Variants in GPR149 observed in about 807,000 individuals in gnomAD.
GPR149 encodes the protein G protein-coupled receptor 149, also known as probable G protein-coupled receptor 149.
In GPR149, 50 loss-of-function variants were observed where a neutral mutation model predicts 50.2. The observed-to-expected ratio is 1.00, with a 90% CI of 0.79 to 1.26. The LOEUF is 1.26. GPR149 is among the 50% of genes most tolerant of loss of function. The pLI is 0.00. For missense variants in GPR149, 983 were observed against 895.4 expected, an observed-to-expected ratio of 1.10 and a Z score of -1.25; for synonymous variants, 405 against 358.2, an observed-to-expected ratio of 1.13 and a Z score of -1.48.
At chr3:154,366,101 A>G (rs1410776779) in intron 3 of GPR149, among the ~76,000 whole-genome samples, 1 of 152,142 alleles carries the variant, frequency 6.6e-6, no homozygotes, top group Non-Finnish European at 1.5e-5. Context: ...TAGGCCCTCA[A>G]CCAAATGACT....
chr3:154,427,226 G>T (rs550378424), intron 2 of GPR149, among the ~76,000 whole-genome samples: 1 of 151,870 alleles, frequency 6.6e-6, no homozygotes, highest in Non-Finnish European at 1.5e-5. Flanking sequence ...AAGTGCCTTT[G>T]TTGACATGGT....
chr3:154,336,677 T>A lies in GPR149; in HGVS notation c.*1022A>T, dbSNP rs701146. ...TCAACTGTTTCTTTGAGACAACACG[T>A]CTTTAGAGAAGAAACAAAAAAGCAG... On this transcript the variant is annotated 3_prime_UTR_variant, in exon 4 of 4. Transcript: ENST00000389740. 0.46 allele frequency: 69,759 copies of A among 151,884 alleles called. 16,301 individuals are homozygous for A. The highest frequency in any genetic ancestry group is 0.5 in the East Asian group (2,582 of 5,172). The allele number at this position is 151,884 out of a possible 1,614,324, so 9.4% of individuals were successfully genotyped here.
chr3:154,407,175 G>T (rs2108421415), intron 3 of GPR149, among the ~76,000 whole-genome samples: 1 of 152,202 alleles, frequency 6.6e-6, no homozygotes, highest in South Asian at 2.1e-4. Flanking sequence ...AGATTTGGGT[G>T]GAGACACAGC....
At chr3:154,399,410 A>T (rs1268036196) in intron 3 of GPR149, among the ~76,000 whole-genome samples, 2 of 152,248 alleles carry the variant, frequency 1.3e-5, no homozygotes, top group Non-Finnish European at 2.9e-5. Flanking sequence ...TATTTTTCAC[A>T]TAAAGATGGC....
At chr3:154,401,887 A>G (rs1252325136) in intron 3 of GPR149, among the ~76,000 whole-genome samples, 2 of 152,208 alleles carry the variant, frequency 1.3e-5, no homozygotes, top group Non-Finnish European at 2.9e-5. Flanking sequence ...AAAATACTAA[A>G]GCAACAAAGT....
At chr3:154,378,156 C>T (rs182065346) in intron 3 of GPR149, among the ~76,000 whole-genome samples, 6 of 142,866 alleles carry the variant, frequency 4.2e-5, no homozygotes, top group African/African-American at 1.5e-4. Flanking sequence ...GATTTTGTCT[C>T]ACTGCAACCT....
At chr3:154,427,471 A>T (rs771099480) in intron 2 of GPR149, 45 bp downstream of exon 2, 1 of 1,526,498 alleles carries the variant, frequency 6.6e-7, no homozygotes, top group Non-Finnish European at 8.8e-7. Flanking sequence ...TCTGAAAGTC[A>T]CCTAATGCAT....
At chr3:154,408,927 A>T (rs899233891) in intron 3 of GPR149, among the ~76,000 whole-genome samples, 3 of 152,256 alleles carry the variant, frequency 2.0e-5, no homozygotes, top group African/African-American at 7.2e-5. Context: ...ATCAACACAA[A>T]ACCAGCACAC....
chr3:154,351,383 TAACTC>T (rs1458225257), intron 3 of GPR149, among the ~76,000 whole-genome samples: 3 of 141,666 alleles, frequency 2.1e-5, no homozygotes, highest in Non-Finnish European at 3.0e-5. Context: ...ATTCAAAAAT[TAACTC>T]AAAATGAATT....
intron 3 of GPR149, among the ~76,000 whole-genome samples, chr3:154,402,771 T>A (rs1711578391): frequency 6.6e-6 from 1 of 152,208 alleles, no homozygotes; most frequent in Non-Finnish European, 1.5e-5. Context: ...TACAGCTAAT[T>A]GTTTGAAAAT....
chr3:154,347,310 C>CTTAG (rs2108386813), intron 3 of GPR149, among the ~76,000 whole-genome samples: 1 of 152,240 alleles, frequency 6.6e-6, no homozygotes, highest in South Asian at 2.1e-4. Flanking sequence ...CCTCAGGAAA[C>CTTAG]TTAGAATCAT....
chr3:154,337,606 A>G lies in GPR149; in HGVS notation c.*93T>C. 1 of 1,048,000 alleles carries G rather than the reference A, an allele frequency of 9.5e-7. No individual in the cohort carries two copies. The highest frequency in any genetic ancestry group is 1.6e-5 in the African/African-American group (1 of 63,220). The allele number at this position is 1,048,000 out of a possible 1,614,324, so 64.9% of individuals were successfully genotyped here. On this transcript the variant is annotated 3_prime_UTR_variant, in exon 4 of 4. Coordinates refer to ENST00000389740, the MANE Select transcript of GPR149 (RefSeq NM_001038705.3). ...TAAATCAGTAAAACTAATGTAAGCC[A>G]ACAAATAAAAGGAAATCAGTCTCAT...
chr3:154,392,009 A>T (rs575853242), intron 3 of GPR149, among the ~76,000 whole-genome samples: 3 of 150,276 alleles, frequency 2.0e-5, no homozygotes, highest in South Asian at 4.2e-4. Flanking sequence ...GAGCACTTAA[A>T]TATACAATGC....
intron 3 of GPR149, among the ~76,000 whole-genome samples, chr3:154,406,540 A>C (rs1163825139): frequency 6.6e-6 from 1 of 152,210 alleles, no homozygotes. Context: ...TGACTATGGT[A>C]TATTCACACT....
chr3:154,344,876 G>A (rs976654828), intron 3 of GPR149, among the ~76,000 whole-genome samples: 3 of 152,150 alleles, frequency 2.0e-5, no homozygotes, highest in South Asian at 2.1e-4. Flanking sequence ...ATCTTAATTT[G>A]TGATAGTTTG....
intron 3 of GPR149, among the ~76,000 whole-genome samples, chr3:154,348,072 G>C (rs1275546401): frequency 1.3e-5 from 2 of 152,114 alleles, no homozygotes; most frequent in East Asian, 1.9e-4. Flanking sequence ...AATGATTAGG[G>C]GAGTGCCTCA....
chr3:154,349,015 T>G (rs1377443705), intron 3 of GPR149, among the ~76,000 whole-genome samples: 1 of 151,660 alleles, frequency 6.6e-6, no homozygotes, highest in East Asian at 1.9e-4. Flanking sequence ...TAAACACTTC[T>G]AAATCATCTA....
At chr3:154,385,197 G>T (rs1000731720) in intron 3 of GPR149, among the ~76,000 whole-genome samples, 1 of 152,166 alleles carries the variant, frequency 6.6e-6, no homozygotes, top group Non-Finnish European at 1.5e-5. Context: ...TTGCTAAAAA[G>T]AAATTTGTGC....
intron 3 of GPR149, among the ~76,000 whole-genome samples, chr3:154,394,548 C>G (rs1024586611): frequency 1.3e-5 from 2 of 151,960 alleles, no homozygotes; most frequent in African/African-American, 4.8e-5. Flanking sequence ...AGTGGAAATA[C>G]ATGAAACTAA....
Sources: allele counts gnomAD v4.1 joint callset (sites outside exome capture counted in the v4.1 genomes callset), GRCh38; gene constraint gnomAD v4.1.1; transcripts MANE v1.5; gene names NCBI Gene and HGNC (gene_info 2026-07-23, HGNC 2026-07-21).